The following DPP10 variants were observed in gnomAD, a reference collection of about 807,000 sequenced individuals.
The protein encoded by DPP10 is inactive dipeptidyl peptidase 10.
In DPP10, 33 loss-of-function variants were observed where a neutral mutation model predicts 120.9. The observed-to-expected ratio is 0.27, with a 90% confidence interval of 0.21 to 0.37. DPP10 has a LOEUF of 0.37. DPP10 is among the 10% of genes least tolerant of loss of function. The pLI is 1.00. For synonymous variants in DPP10, 337 were observed against 326.1 expected (o/e 1.03, Z -0.36); for missense variants, 816 against 942.8 (o/e 0.87, Z 1.76).
At chr2:114,761,587 C>G (rs1033314288) in intron 1 of DPP10, among the ~76,000 whole-genome samples, 6 of 152,172 alleles carry the variant, frequency 3.9e-5, no homozygotes, top group Non-Finnish European at 8.8e-5. Context: ...CCTTTGTGCA[C>G]AGCATCCTTT....
At chr2:115,208,969 T>A (rs2056335044) in intron 1 of DPP10, among the ~76,000 whole-genome samples, 1 of 152,200 alleles carries the variant, frequency 6.6e-6, no homozygotes, top group Admixed American at 6.5e-5. Flanking sequence ...AAATTGGCTT[T>A]GTGTGTAGAC....
At chr2:115,407,577 A>T (rs1173519907) in intron 3 of DPP10, among the ~76,000 whole-genome samples, 1 of 152,164 alleles carries the variant, frequency 6.6e-6, no homozygotes, top group Non-Finnish European at 1.5e-5. Context: ...ATTAGAAAAC[A>T]TGTATCCAAA....
chr2:115,146,347 T>A (rs1360500638), intron 1 of DPP10, among the ~76,000 whole-genome samples: 1 of 152,120 alleles, frequency 6.6e-6, no homozygotes, highest in Non-Finnish European at 1.5e-5. Flanking sequence ...ATACTACCAT[T>A]CTAGGATTAC....
intron 1 of DPP10, among the ~76,000 whole-genome samples, chr2:114,860,454 G>A (rs1558817337): frequency 6.6e-6 from 1 of 152,132 alleles, no homozygotes; most frequent in African/African-American, 2.4e-5. Context: ...TGGTGCTAGA[G>A]CCAAAATTTT....
intron 21 of DPP10, among the ~76,000 whole-genome samples, chr2:115,827,840 A>G (rs557965140): frequency 9.2e-5 from 14 of 152,036 alleles, no homozygotes; most frequent in Non-Finnish European, 2.1e-4. Context: ...CAGGTGATCC[A>G]CAAGCGTCGG....
intron 1 of DPP10, among the ~76,000 whole-genome samples, chr2:115,039,083 G>C (rs1704445112): frequency 6.6e-6 from 1 of 152,196 alleles, no homozygotes; most frequent in African/African-American, 2.4e-5. Context: ...GAGAAGGACA[G>C]TGGTATCCTA....
At chr2:114,489,601 T>G (rs1173843484) in intron 1 of DPP10, among the ~76,000 whole-genome samples, 1 of 152,210 alleles carries the variant, frequency 6.6e-6, no homozygotes, top group African/African-American at 2.4e-5. Context: ...CTCAACACAC[T>G]GCATTTTAGC....
chr2:115,387,265 A>T (rs1481544936), intron 3 of DPP10, among the ~76,000 whole-genome samples: 1 of 152,192 alleles, frequency 6.6e-6, no homozygotes, highest in African/African-American at 2.4e-5. Flanking sequence ...GAGAATCCTT[A>T]GCGTGTTTCT....
intron 3 of DPP10, among the ~76,000 whole-genome samples, chr2:115,480,413 G>T (rs529115633): frequency 1.3e-5 from 2 of 151,634 alleles, no homozygotes; most frequent in African/African-American, 4.9e-5. Flanking sequence ...TCCCCTCCTC[G>T]TTCCTACTTC....
At chr2:115,290,388 A>G (rs1163870116) in intron 1 of DPP10, among the ~76,000 whole-genome samples, 2 of 152,100 alleles carry the variant, frequency 1.3e-5, no homozygotes, top group African/African-American at 4.8e-5. Flanking sequence ...TGGATGATAG[A>G]GGTATACATA....
intron 3 of DPP10, among the ~76,000 whole-genome samples, chr2:115,436,464 A>C (rs2071504721): frequency 6.6e-6 from 1 of 151,868 alleles, no homozygotes; most frequent in Non-Finnish European, 1.5e-5. Flanking sequence ...TACTTAAATG[A>C]CATAATTTAA....
chr2:115,737,951 G>A (rs1466742116), intron 8 of DPP10, among the ~76,000 whole-genome samples: 1 of 152,196 alleles, frequency 6.6e-6, no homozygotes, highest in East Asian at 1.9e-4. Flanking sequence ...TAGGATAGCG[G>A]TTGCCTCTGT....
chr2:115,406,425 AG>A (rs1469247615), intron 3 of DPP10, among the ~76,000 whole-genome samples: 2 of 152,206 alleles, frequency 1.3e-5, no homozygotes, highest in Non-Finnish European at 2.9e-5. Flanking sequence ...CTCCACATAC[AG>A]AAATACTATT....
intron 1 of DPP10, among the ~76,000 whole-genome samples, chr2:114,573,576 T>G (rs2105031642): frequency 6.6e-6 from 1 of 152,224 alleles, no homozygotes; most frequent in Admixed American, 6.5e-5. Context: ...CAAAAGCAGG[T>G]TTCTCAGCTC....
chr2:115,307,532 C>A (rs2061407729), intron 1 of DPP10, among the ~76,000 whole-genome samples: 1 of 152,080 alleles, frequency 6.6e-6, no homozygotes, highest in African/African-American at 2.4e-5. Flanking sequence ...CCCAGATACC[C>A]ATTCGCTGTT....
chr2:115,774,059 C>G (rs1681791847), intron 13 of DPP10, among the ~76,000 whole-genome samples: 1 of 152,042 alleles, frequency 6.6e-6, no homozygotes, highest in South Asian at 2.1e-4. Flanking sequence ...TTTGGTCCTA[C>G]ACTTGAAAGT....
chr2:115,499,651 G>A lies in DPP10; in HGVS notation c.366+47G>A, dbSNP rs1440850336. ...ACTTTATGCATTTCAGTACTGTTTAGAAAGCTCTCTAGATGTACATAACTT... is the reference window on the plus strand; with the variant it reads ...ACTTTATGCATTTCAGTACTGTTTAAAAAGCTCTCTAGATGTACATAACTT... On this transcript the variant is annotated intron_variant, in intron 4 of 25. Transcript: ENST00000410059. The A allele has an allele frequency of 2.1e-6, 3 of 1,436,620 alleles. No individual in the cohort carries two copies. The Admixed American group carries it at 5.4e-5, about 26-fold the overall frequency. The allele number at this position is 1,436,620 out of a possible 1,614,324, so 89.0% of individuals were successfully genotyped here. A position where few individuals can be genotyped will look rare whatever the true frequency, so the allele number is the denominator to read the frequency against.
chr2:115,538,270 AG>A (rs1226683828), intron 5 of DPP10, among the ~76,000 whole-genome samples: 2 of 151,966 alleles, frequency 1.3e-5, no homozygotes. Flanking sequence ...AGGTGTAGTG[AG>A]GTTAGGTGGC....
At chr2:114,454,057 G>A (rs1678430927) in intron 1 of DPP10, among the ~76,000 whole-genome samples, 1 of 152,140 alleles carries the variant, frequency 6.6e-6, no homozygotes, top group Non-Finnish European at 1.5e-5. Flanking sequence ...CATGACAATG[G>A]CAAGAAAAAT....
Sources: allele counts gnomAD v4.1 joint callset (sites outside exome capture counted in the v4.1 genomes callset), GRCh38; gene constraint gnomAD v4.1.1; transcripts MANE v1.5; gene names NCBI Gene and HGNC (gene_info 2026-07-23, HGNC 2026-07-21).